HMOX2: variants seen among roughly 807,000 people sequenced by gnomAD.
The protein encoded by HMOX2 is heme oxygenase (decycling) 2.
In HMOX2, 30 loss-of-function variants were observed where a neutral mutation model predicts 33.7. That is an observed-to-expected ratio of 0.89 (90% CI 0.67 to 1.21). The LOEUF (loss-of-function observed/expected upper bound fraction) is 1.21. Ranked by LOEUF, HMOX2 falls within the 50% of genes most tolerant of loss-of-function variation. The pLI is 0.00. For synonymous variants in HMOX2, 155 were observed against 155.0 expected, an observed-to-expected ratio of 1.00 and a Z score of 0.00; for missense variants, 403 against 399.1, an observed-to-expected ratio of 1.01 and a Z score of -0.08.
intron 1 of HMOX2, among the ~76,000 whole-genome samples, chr16:4,488,021 G>A (rs1239657031): frequency 6.6e-6 from 1 of 151,424 alleles, no homozygotes; most frequent in Admixed American, 6.6e-5. Flanking sequence ...TACTCAGGAG[G>A]CTGAGGCAGG....
chr16:4,487,559 G>A (rs1028379941), intron 1 of HMOX2, among the ~76,000 whole-genome samples: 6 of 151,208 alleles, frequency 4.0e-5, no homozygotes, highest in Admixed American at 2.0e-4. Flanking sequence ...ATCCCAGCAC[G>A]TTGGGAGGCC....
In HMOX2 at chr16:4,496,644, A is replaced by G. The variant is rs1338869380; in HGVS notation, c.-41-8840A>G. 5.9e-5 allele frequency: 9 copies of G among 152,294 alleles called. No homozygotes were observed. The East Asian group carries it at 1.4e-3, about 23-fold the overall frequency. The allele number at this position is 152,294 out of a possible 1,614,324, so 9.4% of individuals were successfully genotyped here. A position where few individuals can be genotyped will look rare whatever the true frequency, so the allele number is the denominator to read the frequency against. On this transcript the variant is annotated intron_variant, in intron 1 of 5. Coordinates refer to ENST00000570646, the MANE Select transcript of HMOX2 (RefSeq NM_002134.4). ...GTCACCTTGCATTCAGAATGACTCA[A>G]GTTTAGTCTCAACTTGACCATTAGC...
rs2053672983 is a variant in HMOX2, at chr16:4,476,425, A to AG, written c.-101dup. On this transcript the variant is annotated 5_prime_UTR_variant, in exon 1 of 6. Coordinates refer to ENST00000570646, the MANE Select transcript of HMOX2 (RefSeq NM_002134.4). ...TGGGCTGCAGGGACTGCGGCGCCTGAGGGAGTCGCTGACGGGCACGCTGAC... is the reference window on the plus strand; with the variant it reads ...TGGGCTGCAGGGACTGCGGCGCCTGAGGGGAGTCGCTGACGGGCACGCTGAC... 6.6e-6 allele frequency: 1 copy of AG among 152,234 alleles called. No homozygotes were observed. The allele number at this position is 152,234 out of a possible 1,614,324, so 9.4% of individuals were successfully genotyped here. A position where few individuals can be genotyped will look rare whatever the true frequency, so the allele number is the denominator to read the frequency against.
At chr16:4,486,983 G>C (rs910075763) in intron 1 of HMOX2, among the ~76,000 whole-genome samples, 5 of 152,180 alleles carry the variant, frequency 3.3e-5, no homozygotes, top group Non-Finnish European at 7.4e-5. Flanking sequence ...CTTGAGGCTG[G>C]GCGTGGTGGC....
chr16:4,507,070 TCCCATGAGAAAAGTGC>T, intron 3 of HMOX2, 58 bp downstream of exon 3: 1 of 1,156,752 alleles, frequency 8.6e-7, no homozygotes, highest in South Asian at 1.2e-5. Flanking sequence ...GGGGCCTTGG[TCCCATGAGAAAAGTGC>T]CCCTGGAGCC....
chr16:4,504,354 A>ATTTTTTT (rs34314976), intron 1 of HMOX2, among the ~76,000 whole-genome samples: 3 of 72,886 alleles, frequency 4.1e-5, no homozygotes, highest in Admixed American at 1.6e-4. Context: ...GTAACTTTCA[A>ATTTTTTT]TTTTTTTTTT....
chr16:4,486,598 A>C (rs1450202353), intron 1 of HMOX2, among the ~76,000 whole-genome samples: 2 of 152,204 alleles, frequency 1.3e-5, no homozygotes, highest in Non-Finnish European at 2.9e-5. Context: ...TGATATGTGA[A>C]AGAGTAGAGG....
At chr16:4,499,701 A>T (rs985169786) in intron 1 of HMOX2, among the ~76,000 whole-genome samples, 1 of 152,218 alleles carries the variant, frequency 6.6e-6, no homozygotes, top group African/African-American at 2.4e-5. Flanking sequence ...AATGATAAGC[A>T]TGTGAGCTGA....
At position 4,507,935 on chromosome 16, in the gene HMOX2, C is replaced by T; in HGVS notation, c.427C>T (p.Gln143Ter). ...KYVERIHYIG[Q>*]NEPELLVAHA... ...CGTGGAGCGGATCCACTACATAGGG[C>T]AGAACGAGCCGGAGCTACTGGTGGC... is the stretch of plus-strand genomic sequence containing the variant. Residue 143 changes from glutamine (Q) to a stop codon, truncating the protein, a stop_gained, in exon 4 of 6, where the codon CAG becomes TAG. Transcript: ENST00000570646. LOFTEE classifies it high-confidence loss of function. The T allele has an allele frequency of 1.9e-6, 3 of 1,613,696 alleles. No homozygotes were observed. In the South Asian group the frequency reaches 3.3e-5, roughly 18 times the overall value.
chr16:4,485,863 T>C (rs17885842), intron 1 of HMOX2, among the ~76,000 whole-genome samples: 1,739 of 152,192 alleles, frequency 0.011, 36 homozygotes, highest in African/African-American at 0.04. Context: ...TAGCTGGGAT[T>C]AAGGCACCTG....
intron 1 of HMOX2, among the ~76,000 whole-genome samples, chr16:4,478,999 A>G (rs2057945754): frequency 6.6e-6 from 1 of 151,986 alleles, no homozygotes; most frequent in Non-Finnish European, 1.5e-5. Context: ...TACTAAAAAT[A>G]CAAAAATTAG....
intron 1 of HMOX2, among the ~76,000 whole-genome samples, chr16:4,477,479 A>G (rs571733647): frequency 1.4e-4 from 19 of 139,530 alleles, no homozygotes; most frequent in Non-Finnish European, 2.4e-4. Context: ...AGCCTGGGCG[A>G]CAGAGCAAGA....
At chr16:4,480,137 T>C (rs973215375) in intron 1 of HMOX2, among the ~76,000 whole-genome samples, 2 of 151,982 alleles carry the variant, frequency 1.3e-5, no homozygotes, top group Non-Finnish European at 2.9e-5. Flanking sequence ...AATCTCTGCC[T>C]CTGGGGTTCA....
In HMOX2 at chr16:4,507,011, A is replaced by C. The variant is rs764664140; in HGVS notation, c.203A>C (p.Lys68Thr). 1 of 1,596,262 alleles carries C rather than the reference A, an allele frequency of 6.3e-7. No individual in the cohort carries two copies. Among genetic ancestry groups the C allele is most frequent in the Non-Finnish European group, 8.6e-7 (1 of 1,163,756 alleles). Residue 68 changes from lysine (K) to threonine (T), a missense_variant and splice_region_variant, in exon 3 of 6, where the codon AAG becomes ACG. Lys to Thr is a moderately conservative substitution (Grantham distance 78). Coordinates refer to ENST00000570646, the MANE Select transcript of HMOX2 (RefSeq NM_002134.4). ...LKGNIKKELF[K>T]LATTALYFTY... ...GGCAACATTAAGAAGGAGCTGTTTA[A>C]GGTTTGTGCCCCGCATTGGGTTCCA...
At chr16:4,501,363 G>GCCTA (rs2058553698) in intron 1 of HMOX2, among the ~76,000 whole-genome samples, 1 of 152,174 alleles carries the variant, frequency 6.6e-6, no homozygotes, top group Non-Finnish European at 1.5e-5. Context: ...GCTTTTCCAT[G>GCCTA]CATGAACACA....
chr16:4,482,638 A>G (rs141499038), intron 1 of HMOX2, among the ~76,000 whole-genome samples: 3 of 152,314 alleles, frequency 2.0e-5, no homozygotes, highest in Non-Finnish European at 2.9e-5. Flanking sequence ...AGTTCTGACA[A>G]TCCCTCCTCG....
intron 1 of HMOX2, among the ~76,000 whole-genome samples, chr16:4,480,314 C>G (rs935500645): frequency 6.8e-6 from 1 of 147,882 alleles, no homozygotes; most frequent in Non-Finnish European, 1.5e-5. Context: ...TCCCAAAGTG[C>G]TAGTATTACA....
intron 1 of HMOX2, among the ~76,000 whole-genome samples, chr16:4,494,592 G>T (rs531759488): frequency 6.6e-6 from 1 of 152,190 alleles, no homozygotes; most frequent in South Asian, 2.1e-4. Context: ...AAAAAAATAA[G>T]TTTGGGTGGG....
In HMOX2 at chr16:4,502,707, T is replaced by C. The variant is rs183091719; in HGVS notation, c.-41-2777T>C. On this transcript the variant is annotated intron_variant, in intron 1 of 5. Transcript: ENST00000570646. The stretch of plus-strand genomic sequence containing the variant: ...AGGGTGTACAGCAAAGCTGTTCTTA[T>C]TATTTAAAGTATTTTATTTATTTAT... 7 of 152,322 alleles carry C rather than the reference T, an allele frequency of 4.6e-5. No homozygotes were observed. In the South Asian group the frequency reaches 1.2e-3, roughly 27 times the overall value. 9.4% of individuals were successfully genotyped at this position (152,322 alleles called of 1,614,324 possible).
Sources: gnomAD v4.1 joint callset for allele counts (sites outside exome capture counted in the v4.1 genomes callset) on GRCh38, gnomAD v4.1.1 for gene constraint, MANE v1.5 for transcripts, NCBI Gene and HGNC (gene_info 2026-07-23, HGNC 2026-07-21) for gene names.